Variants in TCF7L2 observed in about 807,000 individuals in gnomAD.
TCF7L2 encodes the protein transcription factor 7-like 2.
In TCF7L2, 23 loss-of-function variants were observed where a neutral mutation model predicts 77.9. That is an observed-to-expected ratio of 0.30 (90% confidence interval 0.21 to 0.42). TCF7L2 has a LOEUF of 0.42. Among genes scored for constraint, TCF7L2 ranks in the 10% least tolerant of loss-of-function variants. TCF7L2 has a pLI of 1.00. For missense variants in TCF7L2, 654 were observed against 793.1 expected, an observed-to-expected ratio of 0.82 and a Z score of 2.11; for synonymous variants, 413 against 340.2, an observed-to-expected ratio of 1.21 and a Z score of -2.36.
chr10:112,996,570 T>C (rs911579852), intron 4 of TCF7L2, among the ~76,000 whole-genome samples: 2 of 152,212 alleles, frequency 1.3e-5, no homozygotes, highest in Admixed American at 1.3e-4. Flanking sequence ...GTCAGGACCT[T>C]TGATGGAAGC....
chr10:113,015,476 G>T (rs565654951), intron 4 of TCF7L2, among the ~76,000 whole-genome samples: 21 of 133,464 alleles, frequency 1.6e-4, no homozygotes, highest in Admixed American at 7.1e-4. Flanking sequence ...TTGAGATCAG[G>T]TTCAGCTCTG....
At chr10:113,009,095 C>A (rs1212440178) in intron 4 of TCF7L2, among the ~76,000 whole-genome samples, 2 of 152,040 alleles carry the variant, frequency 1.3e-5, no homozygotes, top group South Asian at 2.1e-4. Flanking sequence ...ACCACCAGGC[C>A]CGACTAATTT....
intron 5 of TCF7L2, among the ~76,000 whole-genome samples, chr10:113,100,717 C>T (rs1383055458): frequency 6.6e-6 from 1 of 152,092 alleles, no homozygotes; most frequent in East Asian, 1.9e-4. Flanking sequence ...ATACGGGATT[C>T]TTTTTTCATG....
At chr10:113,108,216 A>C (rs1564905027) in intron 5 of TCF7L2, among the ~76,000 whole-genome samples, 1 of 151,610 alleles carries the variant, frequency 6.6e-6, no homozygotes, top group Non-Finnish European at 1.5e-5. Flanking sequence ...CACAATGTGG[A>C]CCCCCCCACC....
At chr10:113,089,297 T>C (rs996119492) in intron 5 of TCF7L2, 1 of 1,297,976 alleles carries the variant, frequency 7.7e-7, no homozygotes, top group African/African-American at 1.5e-5. Flanking sequence ...TCTATAGAAA[T>C]GTGGGTTAGG....
chr10:113,152,787 C>T (rs557702011), intron 11 of TCF7L2, among the ~76,000 whole-genome samples: 2 of 152,286 alleles, frequency 1.3e-5, no homozygotes, highest in East Asian at 1.9e-4. Context: ...GATTAGGTTC[C>T]GCAGGCTCCT....
Position 113,152,362 on chromosome 10 carries a change from G to T in TCF7L2, c.1191G>T (p.Ala397=). The stretch of plus-strand genomic sequence containing the variant: ...ATGCACTGTCCAGAGAAGAGCAAGC[G>T]AAATACTACGAGCTGGCCCGGAAGG... The change falls in exon 11 of 14, where the codon GCG becomes GCT. Residue 397 remains alanine (A), a synonymous_variant. Transcript: ENST00000627217. The T allele has an allele frequency of 5.0e-6, 8 of 1,614,204 alleles. No individual in the cohort carries two copies. Among genetic ancestry groups the T allele is most frequent in the Non-Finnish European group, 6.8e-6 (8 of 1,180,040 alleles).
intron 7 of TCF7L2, among the ~76,000 whole-genome samples, chr10:113,144,881 G>A (rs1217585504): frequency 2.0e-5 from 3 of 152,216 alleles, no homozygotes; most frequent in Non-Finnish European, 4.4e-5. Flanking sequence ...GCATGAGCAT[G>A]TGTGTAATAT....
At chr10:113,023,707 T>A (rs1564795897) in intron 4 of TCF7L2, among the ~76,000 whole-genome samples, 1 of 151,798 alleles carries the variant, frequency 6.6e-6, no homozygotes, top group South Asian at 2.1e-4. Flanking sequence ...CTCGCTCTGT[T>A]GCCCAGGCTG....
chr10:113,050,389 G>A (rs1308924215), intron 5 of TCF7L2, among the ~76,000 whole-genome samples: 1 of 151,290 alleles, frequency 6.6e-6, no homozygotes, highest in Non-Finnish European at 1.5e-5. Flanking sequence ...AGAGGTGGGG[G>A]TGTTATCAAG....
Position 113,023,910 on chromosome 10 carries a change from G to A in TCF7L2, c.451-16115G>A, listed in dbSNP as rs977972795. Among the ~76,000 whole-genome samples, 9 of 151,612 alleles carry A rather than the reference G, an allele frequency of 5.9e-5. No individual in the cohort carries two copies. In the East Asian group the frequency reaches 7.9e-4, roughly 13 times the overall value. ...CTTGACCTTGTGATCCGCCCGCCTC[G>A]GCCTCCCAAAGTGCTGGGATTACAG... On this transcript the variant is annotated intron_variant, in intron 4 of 13. Coordinates refer to ENST00000627217, the MANE Select transcript of TCF7L2 (RefSeq NM_001146274.2).
chr10:113,164,060 A>G (rs1354038049), intron 13 of TCF7L2, among the ~76,000 whole-genome samples: 1 of 152,196 alleles, frequency 6.6e-6, no homozygotes, highest in Non-Finnish European at 1.5e-5. Context: ...TTGGAGTGTT[A>G]TCAGCCATGG....
intron 5 of TCF7L2, among the ~76,000 whole-genome samples, chr10:113,130,834 C>T (rs1018401105): frequency 3.3e-5 from 5 of 151,890 alleles, no homozygotes; most frequent in Non-Finnish European, 5.9e-5. Flanking sequence ...GGCGAGATCT[C>T]GGCTCACTGC....
rs2074033073 is a variant in TCF7L2, at chr10:113,166,208, T to C, written c.*236T>C. On this transcript the variant is annotated 3_prime_UTR_variant, in exon 14 of 14. Coordinates refer to ENST00000627217, the MANE Select transcript of TCF7L2 (RefSeq NM_001146274.2). ...CCTCATGATTCTACCAAAATTTTTA[T>C]CAACAGCTGTTTAAAGTCTTTGTAG... is the stretch of plus-strand genomic sequence containing the variant. 2.6e-6 allele frequency: 1 copy of C among 380,644 alleles called. No homozygotes were observed. Among genetic ancestry groups the C allele is most frequent in the Admixed American group, 4.4e-5 (1 of 22,636 alleles). The allele number at this position is 380,644 out of a possible 1,614,324, so 23.6% of individuals were successfully genotyped here. A position where few individuals can be genotyped will look rare whatever the true frequency, so the allele number is the denominator to read the frequency against.
At chr10:112,967,247 A>G (rs2037163648) in intron 4 of TCF7L2, among the ~76,000 whole-genome samples, 1 of 152,204 alleles carries the variant, frequency 6.6e-6, no homozygotes, top group Non-Finnish European at 1.5e-5. Flanking sequence ...GTCCCTGGAA[A>G]CTTAAAACTG....
chr10:113,073,704 A>C (rs896767201), intron 5 of TCF7L2, among the ~76,000 whole-genome samples: 1 of 151,382 alleles, frequency 6.6e-6, no homozygotes. Context: ...AAAAAAAAAA[A>C]AACAAAGGTC....
chr10:112,991,821 C>T (rs916193581), intron 4 of TCF7L2, among the ~76,000 whole-genome samples: 5 of 152,092 alleles, frequency 3.3e-5, no homozygotes, highest in African/African-American at 7.2e-5. Context: ...CTCTGCTTCC[C>T]GGCCCCACAC....
chr10:113,108,753 C>G (rs1368649808), intron 5 of TCF7L2, among the ~76,000 whole-genome samples: 3 of 152,302 alleles, frequency 2.0e-5, no homozygotes, highest in Admixed American at 2.0e-4. Context: ...TCGTGGCCGT[C>G]ATTTCTGCAG....
chr10:113,127,221 C>T (rs1286105648), intron 5 of TCF7L2, among the ~76,000 whole-genome samples: 2 of 145,908 alleles, frequency 1.4e-5, no homozygotes, highest in Non-Finnish European at 3.0e-5. Context: ...TTAACTTGGA[C>T]GTGAATACGG....
Sources: gnomAD v4.1 joint callset for allele counts (sites outside exome capture counted in the v4.1 genomes callset) on GRCh38, gnomAD v4.1.1 for gene constraint, MANE v1.5 for transcripts, NCBI Gene and HGNC (gene_info 2026-07-23, HGNC 2026-07-21) for gene names.